USP6NL: variants seen among roughly 807,000 people sequenced by gnomAD.
USP6NL encodes USP6 N-terminal like.
A neutral mutation model predicts 61.9 loss-of-function variants in USP6NL; 26 were observed. The ratio of observed to expected loss-of-function variants is 0.42; its 90% CI spans 0.31 to 0.58. The LOEUF (loss-of-function observed/expected upper bound fraction) is 0.58. Ranked by LOEUF, USP6NL falls within the 20% of genes least tolerant of loss-of-function variation. The probability of loss-of-function intolerance (pLI) is 0.16; values close to 1 mark genes in which losing one functional copy is unlikely to be tolerated. For missense variants in USP6NL, 1,114 were observed against 1,034.3 expected (o/e 1.08, Z -1.06); for synonymous variants, 432 against 390.1 (o/e 1.11, Z -1.27).
At position 11,561,720 on chromosome 10, in the gene USP6NL, T is replaced by C. The variant is rs1048910047; in HGVS notation, c.5-34153A>G. 1.3e-5 allele frequency among the ~76,000 whole-genome samples: 2 copies of C among 152,238 alleles called. No individual in the cohort carries two copies. The highest frequency in any genetic ancestry group is 3.8e-4 in the East Asian group (2 of 5,204). On this transcript the variant is annotated intron_variant, in intron 2 of 14. Coordinates refer to ENST00000609104, the MANE Select transcript of USP6NL (RefSeq NM_014688.5). This position sits in a 1 kb window ranked among gnomAD's most constrained non-coding sequence, Gnocchi z 4.1. ...CTTTTGCGCAGATGCAGAAATGGTATTTCTATAGAATACTGACTTGCAGAC... is the reference window on the plus strand; with the variant it reads ...CTTTTGCGCAGATGCAGAAATGGTACTTCTATAGAATACTGACTTGCAGAC...
intron 2 of USP6NL, among the ~76,000 whole-genome samples, chr10:11,555,103 T>TGG (rs1836637869): frequency 7.5e-6 from 1 of 132,630 alleles, no homozygotes; most frequent in South Asian, 2.8e-4. Context: ...TTTTTTTTTT[T>TGG]TTTTGGTTTT....
chr10:11,506,119 G>C (rs1173418963), intron 6 of USP6NL, among the ~76,000 whole-genome samples: 2 of 152,136 alleles, frequency 1.3e-5, no homozygotes, highest in African/African-American at 4.8e-5. Context: ...AACAAGCTGT[G>C]TGACCTTAAG....
chr10:11,480,006 T>C (rs777844740), intron 14 of USP6NL, among the ~76,000 whole-genome samples: 4 of 152,252 alleles, frequency 2.6e-5, no homozygotes, highest in Non-Finnish European at 4.4e-5. Flanking sequence ...GAAAGGCAGA[T>C]GGTCGTGCTA....
chr10:11,610,670 C>G (rs1418834646), intron 1 of USP6NL, among the ~76,000 whole-genome samples: 1 of 149,920 alleles, frequency 6.7e-6, no homozygotes, highest in Non-Finnish European at 1.5e-5. Context: ...TCACTGGGTA[C>G]GGCCCTAATT....
rs761986811 is a variant in USP6NL at position 11,592,213 on chromosome 10, A to AT, written c.4+5417dup. ...TTCTACAGCAAGTGGTCAAAAGAAG[A>AT]TAAATTAGCTAAAAGCACAGTATAT... On this transcript the variant is annotated intron_variant, in intron 2 of 14. Coordinates refer to ENST00000609104, the MANE Select transcript of USP6NL (RefSeq NM_014688.5). The surrounding 1 kb of genome is among the most constrained non-coding windows in gnomAD (Gnocchi z 4.7). Among the ~76,000 whole-genome samples, 4 of 152,202 alleles carry AT rather than the reference A, an allele frequency of 2.6e-5. No individual in the cohort carries two copies. Among genetic ancestry groups the AT allele is most frequent in the Non-Finnish European group, 5.9e-5 (4 of 68,030 alleles).
chr10:11,593,312 T>G (rs760760832), intron 2 of USP6NL, among the ~76,000 whole-genome samples: 1 of 152,252 alleles, frequency 6.6e-6, no homozygotes, highest in Non-Finnish European at 1.5e-5. Context: ...TAAGTAATAC[T>G]GTAATTACTT....
rs142923537 is a variant in USP6NL at position 11,603,929 on chromosome 10, G to A, written c.-83-6212C>T. 4.2e-3 allele frequency among the ~76,000 whole-genome samples: 642 copies of A among 152,316 alleles called. 4 individuals are homozygous for A. The highest frequency in any genetic ancestry group is 6.9e-3 in the Non-Finnish European group (467 of 68,018). On this transcript the variant is annotated intron_variant, in intron 1 of 14. Coordinates refer to ENST00000609104, the MANE Select transcript of USP6NL (RefSeq NM_014688.5). ...AGGATGTCAATAAAACTGGAATTCAGCAGTACAATGGTGGACTATAAGCCT... is the reference window on the plus strand; with the variant it reads ...AGGATGTCAATAAAACTGGAATTCAACAGTACAATGGTGGACTATAAGCCT...
intron 2 of USP6NL, among the ~76,000 whole-genome samples, chr10:11,559,929 C>A (rs759674264): frequency 7.2e-5 from 11 of 152,176 alleles, no homozygotes; most frequent in Middle Eastern, 3.4e-3. Flanking sequence ...AGGTTTGAGT[C>A]TATACAGCAA....
intron 1 of USP6NL, among the ~76,000 whole-genome samples, chr10:11,605,253 C>T (rs1838666962): frequency 6.6e-6 from 1 of 152,106 alleles, no homozygotes; most frequent in African/African-American, 2.4e-5. Context: ...GCTAGGAGGA[C>T]AAAATGTCAG....
At chr10:11,472,800 G>C (rs1832811738) in intron 14 of USP6NL, among the ~76,000 whole-genome samples, 1 of 152,134 alleles carries the variant, frequency 6.6e-6, no homozygotes, top group South Asian at 2.1e-4. Flanking sequence ...AATTTTTATA[G>C]TTGGGTTCAT....
chr10:11,584,634 C>T (rs561179188), intron 2 of USP6NL, among the ~76,000 whole-genome samples: 6 of 152,116 alleles, frequency 3.9e-5, no homozygotes, highest in Non-Finnish European at 8.8e-5. Flanking sequence ...TGGTACATGT[C>T]TCAAAATAAA....
rs763528471 is a variant in USP6NL, at chr10:11,587,386, T to C, written c.4+10245A>G. 6.6e-6 allele frequency among the ~76,000 whole-genome samples: 1 copy of C among 152,156 alleles called. No homozygotes were observed. The highest frequency in any genetic ancestry group is 2.4e-5 in the African/African-American group (1 of 41,440). Reference sequence around the variant, plus strand: ...TATCCTTTGCAATATTCCAAGTTAATCTTCTAGCTTTCACTATCCCTTGCA... The same window carrying C: ...TATCCTTTGCAATATTCCAAGTTAACCTTCTAGCTTTCACTATCCCTTGCA... On this transcript the variant is annotated intron_variant, in intron 2 of 14. Coordinates refer to ENST00000609104, the MANE Select transcript of USP6NL (RefSeq NM_014688.5). The surrounding 1 kb of genome is among the most constrained non-coding windows in gnomAD (Gnocchi z 4.5).
At chr10:11,588,182 A>G (rs1410220733) in intron 2 of USP6NL, among the ~76,000 whole-genome samples, 1 of 152,250 alleles carries the variant, frequency 6.6e-6, no homozygotes, top group Non-Finnish European at 1.5e-5. Flanking sequence ...AATCTGAGGA[A>G]CTATTCCAGA....
chr10:11,609,584 A>G (rs1461697294), intron 1 of USP6NL, among the ~76,000 whole-genome samples: 4 of 152,162 alleles, frequency 2.6e-5, no homozygotes, highest in African/African-American at 7.2e-5. Context: ...CATTCCTCAC[A>G]CTTTCTAATC....
chr10:11,467,582 G>A (rs1832526798), intron 14 of USP6NL, among the ~76,000 whole-genome samples: 1 of 152,098 alleles, frequency 6.6e-6, no homozygotes, highest in Non-Finnish European at 1.5e-5. Flanking sequence ...GGTGAAATAA[G>A]GTATAGAAAC....
chr10:11,536,345 T>A (rs1835831860), intron 2 of USP6NL, among the ~76,000 whole-genome samples: 1 of 152,172 alleles, frequency 6.6e-6, no homozygotes, highest in Admixed American at 6.5e-5. Flanking sequence ...ACAAAATCTA[T>A]CAGGCCCAGA....
intron 4 of USP6NL, among the ~76,000 whole-genome samples, chr10:11,519,991 CTGAG>C (rs1835140736): frequency 6.6e-6 from 1 of 152,180 alleles, no homozygotes; most frequent in Non-Finnish European, 1.5e-5. Context: ...TTTTTCTACT[CTGAG>C]GAGTCCTTAG....
At chr10:11,531,121 T>C (rs932437922) in intron 2 of USP6NL, among the ~76,000 whole-genome samples, 2 of 152,238 alleles carry the variant, frequency 1.3e-5, no homozygotes, top group Middle Eastern at 3.2e-3. Flanking sequence ...TCACACCGCA[T>C]GTTTATGCTC....
intron 4 of USP6NL, among the ~76,000 whole-genome samples, chr10:11,524,966 T>C (rs1374263433): frequency 6.6e-6 from 1 of 152,206 alleles, no homozygotes; most frequent in Non-Finnish European, 1.5e-5. Flanking sequence ...TGAATACATT[T>C]ATAACTATAA....
Sources: allele counts gnomAD v4.1 joint callset (sites outside exome capture counted in the v4.1 genomes callset), GRCh38; gene constraint gnomAD v4.1.1; non-coding constraint Gnocchi (gnomAD v3.1); transcripts MANE v1.5; gene names NCBI Gene and HGNC (gene_info 2026-07-23, HGNC 2026-07-21).